The following GMDS variants were observed in gnomAD, a reference collection of about 807,000 sequenced individuals.
GMDS encodes the protein GDP-mannose 4,6 dehydratase.
In GMDS, 20 loss-of-function variants were observed where a neutral mutation model predicts 49.9. The ratio of observed to expected loss-of-function variants is 0.40; its 90% CI spans 0.28 to 0.58. The LOEUF is 0.58. Among genes scored for constraint, GMDS ranks in the 20% least tolerant of loss-of-function variants. GMDS has a pLI of 0.42. For missense variants in GMDS, 362 were observed against 481.4 expected (o/e 0.75, Z 2.32); for synonymous variants, 177 against 178.6 (o/e 0.99, Z 0.07).
chr6:1,674,057 T>C (rs557016173), intron 9 of GMDS, among the ~76,000 whole-genome samples: 2 of 151,844 alleles, frequency 1.3e-5, no homozygotes, highest in African/African-American at 4.8e-5. Flanking sequence ...GCCGCGAGGT[T>C]GCTGATTGCG....
chr6:1,871,837 C>T lies in GMDS; in HGVS notation c.771+58266G>A, dbSNP rs776724856. ...AAGAGCATAGTTCACATTAACAGCA[C>T]GGCAAGTTACTTGCCTTCTTTTCTT... On this transcript the variant is annotated intron_variant, in intron 7 of 10. Transcript: ENST00000380815. 1.8e-4 allele frequency among the ~76,000 whole-genome samples: 27 copies of T among 152,198 alleles called. No individual in the cohort carries two copies. In the South Asian group the frequency reaches 1.9e-3, roughly 11 times the overall value.
At chr6:2,019,204 C>T (rs912512466) in intron 4 of GMDS, among the ~76,000 whole-genome samples, 3 of 150,798 alleles carry the variant, frequency 2.0e-5, no homozygotes, top group African/African-American at 7.3e-5. Flanking sequence ...TTAGTGGATT[C>T]CTTAGGATCA....
chr6:2,171,695 T>C lies in GMDS; in HGVS notation c.103-46964A>G, dbSNP rs571284772. The stretch of plus-strand genomic sequence containing the variant: ...GATCATCATCCTAAGGACTCAGAAA[T>C]ACATAGTGTGAAACTATTTACCACA... On this transcript the variant is annotated intron_variant, in intron 1 of 10. Coordinates refer to ENST00000380815, the MANE Select transcript of GMDS (RefSeq NM_001500.4). Among the ~76,000 whole-genome samples the C allele has an allele frequency of 9.9e-5, 15 of 152,182 alleles. No individual in the cohort carries two copies. In the South Asian group the frequency reaches 3.1e-3, roughly 32 times the overall value.
chr6:1,668,247 A>G (rs1035661048), intron 9 of GMDS, among the ~76,000 whole-genome samples: 1 of 152,192 alleles, frequency 6.6e-6, no homozygotes, highest in African/African-American at 2.4e-5. Context: ...TAAGTAGGAT[A>G]CTGTTACTTT....
At chr6:1,708,396 G>A (rs991456238) in intron 9 of GMDS, among the ~76,000 whole-genome samples, 1 of 152,132 alleles carries the variant, frequency 6.6e-6, no homozygotes, top group East Asian at 1.9e-4. Flanking sequence ...GCTTGCACTC[G>A]AAACCACCTC....
intron 9 of GMDS, among the ~76,000 whole-genome samples, chr6:1,694,336 A>T (rs1038283180): frequency 6.6e-6 from 1 of 152,230 alleles, no homozygotes; most frequent in Admixed American, 6.5e-5. Context: ...GCATATTAAA[A>T]TCAATAAAAT....
chr6:1,840,306 C>T (rs1290059217), intron 7 of GMDS, among the ~76,000 whole-genome samples: 3 of 152,196 alleles, frequency 2.0e-5, no homozygotes, highest in African/African-American at 7.2e-5. Context: ...CACGCTCTGC[C>T]TCTCCTCACC....
chr6:1,807,035 A>G (rs1051986855), intron 7 of GMDS, among the ~76,000 whole-genome samples: 22 of 152,176 alleles, frequency 1.4e-4, no homozygotes, highest in Non-Finnish European at 7.4e-5. Flanking sequence ...TTGAAAAAGC[A>G]TTTTCAGAAT....
Position 1,654,779 on chromosome 6 carries a change from T to C in GMDS, c.988-30239A>G, listed in dbSNP as rs909867417. 3.3e-5 allele frequency among the ~76,000 whole-genome samples: 5 copies of C among 152,168 alleles called. No individual in the cohort carries two copies. In the East Asian group the frequency reaches 9.7e-4, roughly 29 times the overall value. ...TACCATTATTTAAAAAATATCCCACTGGGCCAGGCATGGTGGCACAAGCCT... is the reference window on the plus strand; with the variant it reads ...TACCATTATTTAAAAAATATCCCACCGGGCCAGGCATGGTGGCACAAGCCT... On this transcript the variant is annotated intron_variant, in intron 9 of 10. Coordinates refer to ENST00000380815, the MANE Select transcript of GMDS (RefSeq NM_001500.4).
chr6:1,782,832 A>G (rs1415183694), intron 7 of GMDS, among the ~76,000 whole-genome samples: 2 of 152,226 alleles, frequency 1.3e-5, no homozygotes, highest in East Asian at 3.8e-4. Context: ...AACGTTGTAA[A>G]GGAGGCATTA....
At chr6:2,134,957 C>A (rs1464728176) in intron 1 of GMDS, among the ~76,000 whole-genome samples, 2 of 152,106 alleles carry the variant, frequency 1.3e-5, no homozygotes, top group Non-Finnish European at 2.9e-5. Flanking sequence ...CTCACAACAT[C>A]CTGGTGAGGT....
At chr6:1,940,907 G>A (rs572404300) in intron 6 of GMDS, among the ~76,000 whole-genome samples, 2 of 152,310 alleles carry the variant, frequency 1.3e-5, no homozygotes, top group African/African-American at 2.4e-5. Context: ...GCTTTGCAGT[G>A]TTTAGGAGCG....
At chr6:2,089,500 T>C (rs191121189) in intron 4 of GMDS, among the ~76,000 whole-genome samples, 495 of 151,502 alleles carry the variant, frequency 3.3e-3, no homozygotes, top group Middle Eastern at 6.8e-3. Context: ...GAATAGATAA[T>C]AAGAAAGAAA....
intron 1 of GMDS, among the ~76,000 whole-genome samples, chr6:2,234,890 C>T (rs1781283514): frequency 6.6e-6 from 1 of 152,110 alleles, no homozygotes; most frequent in Non-Finnish European, 1.5e-5. Flanking sequence ...CTCTGGGAGG[C>T]CAAGGTGGGC....
intron 7 of GMDS, among the ~76,000 whole-genome samples, chr6:1,787,140 C>A (rs1263079688): frequency 6.6e-6 from 1 of 152,192 alleles, no homozygotes; most frequent in East Asian, 1.9e-4. Context: ...TTAATCTCTC[C>A]CCTGGCTAAG....
At chr6:1,937,334 T>C (rs1762602489) in intron 6 of GMDS, among the ~76,000 whole-genome samples, 1 of 152,228 alleles carries the variant, frequency 6.6e-6, no homozygotes, top group Non-Finnish European at 1.5e-5. Context: ...CAACATTCTG[T>C]TACATTAATA....
At chr6:1,733,936 A>G (rs6935336) in intron 8 of GMDS, among the ~76,000 whole-genome samples, 149,265 of 152,190 alleles carry the variant, frequency 0.98, 73,227 homozygotes, top group East Asian at 1. Flanking sequence ...GGCTGAGGCC[A>G]TAGGCCAGGA....
chr6:1,960,580 G>A (rs1763884737), intron 5 of GMDS, among the ~76,000 whole-genome samples, 194 bp downstream of exon 5: 1 of 152,156 alleles, frequency 6.6e-6, no homozygotes, highest in African/African-American at 2.4e-5. Flanking sequence ...GGCAATGGCA[G>A]CAAATACTTG....
At chr6:1,916,323 A>C in intron 7 of GMDS, among the ~76,000 whole-genome samples, 1 of 150,948 alleles carries the variant, frequency 6.6e-6, no homozygotes, top group African/African-American at 2.4e-5. Context: ...GGCTCTATCA[A>C]CCCTTCACGT....
Sources: allele counts gnomAD v4.1 joint callset (sites outside exome capture counted in the v4.1 genomes callset), GRCh38; gene constraint gnomAD v4.1.1; transcripts MANE v1.5; gene names NCBI Gene and HGNC (gene_info 2026-07-23, HGNC 2026-07-21).